Variants in EGF observed in about 807,000 individuals in gnomAD.
EGF encodes pro-epidermal growth factor.
EGF carries 95 observed loss-of-function variants against 143.8 expected under a neutral mutation model. The ratio of observed to expected loss-of-function variants is 0.66; its 90% confidence interval spans 0.56 to 0.78. EGF has a LOEUF of 0.78. EGF is among the 30% of genes least tolerant of loss of function. The pLI is 0.00. For synonymous variants in EGF, 510 were observed against 510.5 expected, an observed-to-expected ratio of 1.00 and a Z score of 0.01; for missense variants, 1,320 against 1,470.9, an observed-to-expected ratio of 0.90 and a Z score of 1.68.
At chr4:109,929,466 T>TA (rs1003218355) in intron 1 of EGF, among the ~76,000 whole-genome samples, 4 of 152,272 alleles carry the variant, frequency 2.6e-5, no homozygotes, top group Middle Eastern at 3.4e-3. Context: ...GTTAGAGTGT[T>TA]AGAGTGTGGA....
At chr4:109,959,075 A>T in intron 5 of EGF, 1 of 539,108 alleles carries the variant, frequency 1.9e-6, no homozygotes, top group South Asian at 2.1e-5. Flanking sequence ...CTAAGAAATG[A>T]CATCTCCAGC....
At position 110,013,645 on chromosome 4, in the gene EGF, C is replaced by T. The variant is rs1181087450; in HGVS notation, c.*2190C>T. On this transcript the variant is annotated 3_prime_UTR_variant, in exon 24 of 24. Transcript: ENST00000265171. ...GACTGAATACTTTTCCTCCCTAACT[C>T]TCATCGTCTCATTGCGCGCAACGCC... 2.0e-5 allele frequency among the ~76,000 whole-genome samples: 3 copies of T among 152,030 alleles called. No homozygotes were observed. The highest frequency in any genetic ancestry group is 1.3e-4 in the Admixed American group (2 of 15,254).
chr4:109,987,943 A>G (rs1750384391), intron 17 of EGF, 83 bp downstream of exon 17: 2 of 1,103,534 alleles, frequency 1.8e-6, no homozygotes, highest in South Asian at 1.2e-5. Flanking sequence ...CAAAAACTCC[A>G]GAAGGATTTA....
chr4:109,975,226 CTG>C (rs1437644796), intron 12 of EGF, among the ~76,000 whole-genome samples: 2 of 152,150 alleles, frequency 1.3e-5, no homozygotes, highest in African/African-American at 4.8e-5. Context: ...GGTTAGAAGA[CTG>C]TGCTGTTAAT....
intron 1 of EGF, among the ~76,000 whole-genome samples, chr4:109,920,340 T>C (rs1737545145): frequency 6.6e-6 from 1 of 151,696 alleles, no homozygotes; most frequent in Non-Finnish European, 1.5e-5. Flanking sequence ...AAAGACTCAA[T>C]AACTATCCTC....
intron 1 of EGF, among the ~76,000 whole-genome samples, chr4:109,915,568 G>A (rs968604185): frequency 2.6e-5 from 4 of 152,174 alleles, no homozygotes; most frequent in Non-Finnish European, 5.9e-5. Context: ...TTTAAATCCC[G>A]TACTTTACGC....
chr4:109,992,170 TAAAAAA>T (rs58841408), intron 18 of EGF, among the ~76,000 whole-genome samples: 18 of 65,636 alleles, frequency 2.7e-4, no homozygotes, highest in African/African-American at 1.0e-3. Flanking sequence ...CAAGATTCTT[TAAAAAA>T]AAAAAAAAAA....
In EGF at chr4:110,008,411, A is replaced by G. The variant is rs192278037; in HGVS notation, c.3370+181A>G. On this transcript the variant is annotated intron_variant, in intron 23 of 23. Transcript: ENST00000265171. Reference sequence around the variant, plus strand: ...TGGACCTGATTTGCACTGGAGTTCTATCTTATATGAGGTTACCACGTTCAC... The same window carrying G: ...TGGACCTGATTTGCACTGGAGTTCTGTCTTATATGAGGTTACCACGTTCAC... 2.0e-5 allele frequency among the ~76,000 whole-genome samples: 3 copies of G among 152,268 alleles called. No individual in the cohort carries two copies. The East Asian group carries it at 5.8e-4, about 29-fold the overall frequency.
intron 1 of EGF, among the ~76,000 whole-genome samples, chr4:109,934,675 T>C (rs1400892099): frequency 6.6e-6 from 1 of 152,234 alleles, no homozygotes; most frequent in Non-Finnish European, 1.5e-5. Flanking sequence ...GGTTTTCTTC[T>C]AGGGTTTTTA....
At chr4:109,987,900 G>A (rs1750377341) in intron 17 of EGF, 40 bp downstream of exon 17, 2 of 1,480,832 alleles carry the variant, frequency 1.4e-6, no homozygotes. Flanking sequence ...GGACAATACT[G>A]AACCAGAAAC....
At chr4:109,956,551 G>A (rs914056741) in intron 5 of EGF, among the ~76,000 whole-genome samples, 32 of 152,058 alleles carry the variant, frequency 2.1e-4, no homozygotes, top group African/African-American at 7.2e-4. Flanking sequence ...ATATTTACAA[G>A]TTTCTAATTT....
At chr4:109,964,844 T>C (rs1355087362) in intron 10 of EGF, among the ~76,000 whole-genome samples, 3 of 152,200 alleles carry the variant, frequency 2.0e-5, no homozygotes, top group Non-Finnish European at 4.4e-5. Context: ...CACAGTGTCA[T>C]GCATATAGAA....
At chr4:109,945,736 A>G (rs973253307) in intron 5 of EGF, among the ~76,000 whole-genome samples, 4 of 152,214 alleles carry the variant, frequency 2.6e-5, no homozygotes, top group Non-Finnish European at 4.4e-5. Context: ...TTTTTAGAGA[A>G]GTGACAAGAC....
rs917869664 is a variant in EGF, at chr4:109,974,807, A to C, written c.1829A>C (p.Lys610Thr). Residue 610 changes from lysine to threonine, a missense_variant and splice_region_variant, in exon 12 of 24, where the codon AAG becomes ACG. Transcript: ENST00000265171. ...GGAATTGCTGTTCATCCAATGGCCA[A>C]GTAGGTATTTGTAAAAATAAGGCAC... Reference protein sequence around the residue: ...PRGIAVHPMAKRLFWTDTGIN... With the variant: ...PRGIAVHPMATRLFWTDTGIN... The C allele has an allele frequency of 3.1e-6, 5 of 1,611,032 alleles. No individual in the cohort carries two copies. The highest frequency in any genetic ancestry group is 3.4e-6 in the Non-Finnish European group (4 of 1,177,514).
chr4:109,918,264 T>C (rs1017776640), intron 1 of EGF, among the ~76,000 whole-genome samples: 1 of 151,768 alleles, frequency 6.6e-6, no homozygotes, highest in Non-Finnish European at 1.5e-5. Flanking sequence ...GGTTTTTTTT[T>C]TTTTTTTAAA....
intron 5 of EGF, among the ~76,000 whole-genome samples, chr4:109,948,312 A>G (rs1054548523): frequency 1.3e-5 from 2 of 152,204 alleles, no homozygotes; most frequent in Non-Finnish European, 2.9e-5. Flanking sequence ...TACTTTGCCC[A>G]TTATTGATTA....
chr4:109,930,702 G>A (rs1739536727), intron 1 of EGF, among the ~76,000 whole-genome samples: 1 of 152,202 alleles, frequency 6.6e-6, no homozygotes, highest in South Asian at 2.1e-4. Context: ...ACTTACCTGT[G>A]TGGGGCACTC....
intron 7 of EGF, among the ~76,000 whole-genome samples, chr4:109,961,509 CTCT>C (rs961982891): frequency 6.6e-6 from 1 of 152,142 alleles, no homozygotes; most frequent in African/African-American, 2.4e-5. Flanking sequence ...CATTGTCTAT[CTCT>C]TTTTTATTTT....
intron 14 of EGF, 197 bp from the exon 15 acceptor site, chr4:109,980,629 C>T (rs1749199580): frequency 1.7e-6 from 1 of 594,942 alleles, no homozygotes; most frequent in Admixed American, 2.7e-5. Flanking sequence ...AAGGTAATAA[C>T]ATTCTGGGCT....
Sources: gnomAD v4.1 joint callset for allele counts (sites outside exome capture counted in the v4.1 genomes callset) on GRCh38, gnomAD v4.1.1 for gene constraint, MANE v1.5 for transcripts, NCBI Gene and HGNC (gene_info 2026-07-23, HGNC 2026-07-21) for gene names.